Variants in LOC728392 observed in about 807,000 individuals in gnomAD.
the LOC728392 span, chr17:5,500,642 G>A: frequency 7.8e-7 from 1 of 1,276,852 alleles, no homozygotes; most frequent in Non-Finnish European, 1.0e-6. The surrounding 1 kb of genome is among the most constrained non-coding windows in gnomAD (Gnocchi z 5.4). Context: ...AGGAGGTGAT[G>A]GAGAAGGCGA....
At chr17:5,500,340 G>A in the LOC728392 span, 88 of 1,049,138 alleles carry the variant, frequency 8.4e-5, 1 homozygote, top group African/African-American at 3.5e-5. This position sits in a 1 kb window ranked among gnomAD's most constrained non-coding sequence, Gnocchi z 5.4. Context: ...TATAAACGGG[G>A]CTCAATCACA....
At chr17:5,499,953 A>T in the LOC728392 span, 1 of 985,968 alleles carries the variant, frequency 1.0e-6, no homozygotes, top group Non-Finnish European at 1.2e-6. Context: ...AACAAAGTCT[A>T]AGGCAGGAAA....
At chr17:5,500,767 C>T in the LOC728392 span, 2 of 1,204,242 alleles carry the variant, frequency 1.7e-6, no homozygotes, top group South Asian at 1.5e-5. This position sits in a 1 kb window ranked among gnomAD's most constrained non-coding sequence, Gnocchi z 5.4. Flanking sequence ...GGGGGCTGCC[C>T]GGCGCGGCCC....
At chr17:5,500,698 A>G in the LOC728392 span, 1 of 1,267,200 alleles carries the variant, frequency 7.9e-7, no homozygotes. This position sits in a 1 kb window ranked among gnomAD's most constrained non-coding sequence, Gnocchi z 5.4. Context: ...TGGTCGAGAT[A>G]GCAGCCCTCG....
chr17:5,500,691 T>C, the LOC728392 span: 19,310 of 1,270,736 alleles, frequency 0.015, 1,195 homozygotes, highest in East Asian at 0.13. The surrounding 1 kb of genome is among the most constrained non-coding windows in gnomAD (Gnocchi z 5.4). Context: ...CGGAAAATGG[T>C]CGAGATAGCA....
At chr17:5,500,843 G>A in the LOC728392 span, 24 of 1,212,198 alleles carry the variant, frequency 2.0e-5, no homozygotes, top group Admixed American at 3.1e-5. The surrounding 1 kb of genome is among the most constrained non-coding windows in gnomAD (Gnocchi z 5.4). Flanking sequence ...ACCTGGGCCC[G>A]CGGGCAGCGG....
the LOC728392 span, chr17:5,500,869 G>C: frequency 1.6e-6 from 2 of 1,245,568 alleles, no homozygotes; most frequent in Non-Finnish European, 2.1e-6. This position sits in a 1 kb window ranked among gnomAD's most constrained non-coding sequence, Gnocchi z 5.4. Context: ...TCTTCCGGGG[G>C]AGGCTTGTCA....
chr17:5,499,923 C>T, the LOC728392 span: 1 of 985,986 alleles, frequency 1.0e-6, no homozygotes, highest in Non-Finnish European at 1.2e-6. Flanking sequence ...GTACCAGTCT[C>T]GACTCCTCCG....
the LOC728392 span, chr17:5,500,975 G>A: frequency 1.6e-6 from 2 of 1,237,346 alleles, no homozygotes; most frequent in Non-Finnish European, 1.0e-6. This position sits in a 1 kb window ranked among gnomAD's most constrained non-coding sequence, Gnocchi z 5.4. Flanking sequence ...TCGCGGGTAG[G>A]TGGGTCAGCC....
At chr17:5,500,805 C>T in the LOC728392 span, 2 of 1,162,108 alleles carry the variant, frequency 1.7e-6, no homozygotes, top group African/African-American at 3.4e-5. This position sits in a 1 kb window ranked among gnomAD's most constrained non-coding sequence, Gnocchi z 5.4. Flanking sequence ...CGCGCGCCGA[C>T]CAGCCTTCTT....
At chr17:5,500,074 C>T in the LOC728392 span, 3 of 986,172 alleles carry the variant, frequency 3.0e-6, no homozygotes, top group Non-Finnish European at 3.6e-6. This position sits in a 1 kb window ranked among gnomAD's most constrained non-coding sequence, Gnocchi z 5.4. Context: ...CTCTTGTCCT[C>T]TCTCGGCCGC....
At chr17:5,500,306 G>GT in the LOC728392 span, 1 of 1,015,120 alleles carries the variant, frequency 9.9e-7, no homozygotes, top group Non-Finnish European at 1.2e-6. The surrounding 1 kb of genome is among the most constrained non-coding windows in gnomAD (Gnocchi z 5.4). Context: ...TCACAGAGTG[G>GT]TAGGGGTCCA....
At chr17:5,500,374 C>T in the LOC728392 span, 2 of 1,073,680 alleles carry the variant, frequency 1.9e-6, no homozygotes, top group Non-Finnish European at 2.3e-6. The surrounding 1 kb of genome is among the most constrained non-coding windows in gnomAD (Gnocchi z 5.4). Flanking sequence ...AACGCCTCCA[C>T]CCCTAACCTG....
chr17:5,500,215 C>G, the LOC728392 span: 1 of 990,020 alleles, frequency 1.0e-6, no homozygotes, highest in Non-Finnish European at 1.2e-6. This position sits in a 1 kb window ranked among gnomAD's most constrained non-coding sequence, Gnocchi z 5.4. Context: ...GGGTCTGGCT[C>G]ATCCCTTAAA....
chr17:5,500,223 AAAGATTCC>A, the LOC728392 span: 1 of 991,346 alleles, frequency 1.0e-6, no homozygotes, highest in Non-Finnish European at 1.2e-6. This position sits in a 1 kb window ranked among gnomAD's most constrained non-coding sequence, Gnocchi z 5.4. Context: ...CTCATCCCTT[AAAGATTCC>A]AAGATTGGGC....
At chr17:5,500,931 C>A in the LOC728392 span, 1 of 1,257,568 alleles carries the variant, frequency 8.0e-7, no homozygotes, top group South Asian at 1.3e-5. This position sits in a 1 kb window ranked among gnomAD's most constrained non-coding sequence, Gnocchi z 5.4. Context: ...ACCCCAGGGT[C>A]TGCGCCGAAA....
chr17:5,500,997 A>T, the LOC728392 span: 1 of 1,198,730 alleles, frequency 8.3e-7, no homozygotes, highest in Non-Finnish European at 1.1e-6. This position sits in a 1 kb window ranked among gnomAD's most constrained non-coding sequence, Gnocchi z 5.4. Context: ...GGTCTGGGTC[A>T]GAGCGCAGTG....
At chr17:5,500,776 C>A in the LOC728392 span, 1 of 1,161,262 alleles carries the variant, frequency 8.6e-7, no homozygotes. This position sits in a 1 kb window ranked among gnomAD's most constrained non-coding sequence, Gnocchi z 5.4. Flanking sequence ...CCGGCGCGGC[C>A]CCCCTGCGCC....
At chr17:5,500,006 C>G in the LOC728392 span, 124,476 of 986,026 alleles carry the variant, frequency 0.13, 8,457 homozygotes, top group African/African-American at 0.21. This position sits in a 1 kb window ranked among gnomAD's most constrained non-coding sequence, Gnocchi z 5.4. Flanking sequence ...GGGCGCAGCA[C>G]GACACCCCGA....
Sources: gnomAD v4.1 joint callset for allele counts on GRCh38, gnomAD v4.1.1 for gene constraint, Gnocchi (gnomAD v3.1) non-coding constraint, MANE v1.5 for transcripts.